MAJIN: variants seen among roughly 807,000 people sequenced by gnomAD.
MAJIN encodes membrane-anchored junction protein.
Under a neutral mutation model 30.2 loss-of-function variants are expected in MAJIN, and 27 were observed. That is an observed-to-expected ratio of 0.89 (90% CI 0.66 to 1.23). The LOEUF is 1.23. MAJIN is among the 50% of genes most tolerant of loss of function. MAJIN has a pLI of 0.00. For missense variants in MAJIN, 253 were observed against 260.3 expected (o/e 0.97, Z 0.19); for synonymous variants, 78 against 91.6 (o/e 0.85, Z 0.85).
chr11:64,945,456 A>G (rs534109603), intron 8 of MAJIN, among the ~76,000 whole-genome samples: 3 of 152,314 alleles, frequency 2.0e-5, no homozygotes, highest in South Asian at 4.1e-4. Flanking sequence ...AAAATTCTAT[A>G]CTGGATCCCA....
At chr11:64,947,947 C>A (rs1328292761) in intron 6 of MAJIN, 128 bp from the exon 7 acceptor site, 1 of 802,796 alleles carries the variant, frequency 1.2e-6, no homozygotes, top group East Asian at 2.7e-5. Context: ...GCAACCTCCG[C>A]CTCTTGAGTT....
intron 8 of MAJIN, among the ~76,000 whole-genome samples, chr11:64,946,669 G>A (rs986601101): frequency 1.3e-5 from 2 of 152,076 alleles, no homozygotes; most frequent in Non-Finnish European, 2.9e-5. Context: ...GTTCTCTGTG[G>A]GCCTAGGGTG....
At chr11:64,946,193 G>C (rs1182165510) in intron 8 of MAJIN, 1 of 1,515,356 alleles carries the variant, frequency 6.6e-7, no homozygotes, top group South Asian at 1.2e-5. Context: ...GTTACTGGCA[G>C]AGGCAATATC....
At chr11:64,960,766 A>G (rs975974473) in intron 1 of MAJIN, among the ~76,000 whole-genome samples, 2 of 152,222 alleles carry the variant, frequency 1.3e-5, no homozygotes, top group Non-Finnish European at 2.9e-5. Flanking sequence ...TCCATGGTAG[A>G]GTCACAAGTT....
rs1176637017 is a variant in MAJIN, at chr11:64,949,692, C to A, written c.349+51G>T. The stretch of plus-strand genomic sequence containing the variant: ...CCCCTTTCGCGATACCTAGCTGGCA[C>A]AGCTAAACCATTTTCTTCTCTGCCA... On this transcript the variant is annotated intron_variant, in intron 6 of 10. Coordinates refer to ENST00000301896, the MANE Select transcript of MAJIN (RefSeq NM_001037225.3). The A allele has an allele frequency of 3.7e-6, 6 of 1,600,558 alleles. No individual in the cohort carries two copies. In the African/African-American group the frequency reaches 5.3e-5, roughly 14 times the overall value.
intron 1 of MAJIN, among the ~76,000 whole-genome samples, chr11:64,971,292 C>T (rs866712498): frequency 1.3e-5 from 2 of 151,710 alleles, no homozygotes; most frequent in South Asian, 2.1e-4. Context: ...CCAGGAGTGG[C>T]GGCGCATGCC....
At chr11:64,950,802 G>C (rs1426967941) in intron 4 of MAJIN, among the ~76,000 whole-genome samples, 1 of 151,968 alleles carries the variant, frequency 6.6e-6, no homozygotes, top group Admixed American at 6.6e-5. Context: ...GGATGGTCTT[G>C]AACTCCTGGG....
Position 64,959,309 on chromosome 11 carries a change from T to TA in MAJIN, c.96dup (p.Ile33TyrfsTer9), listed in dbSNP as rs1590703558. ...CCCTCCTACCTTTGAAATTACCTGA[T>TA]ACTCTTCCCATATCTGATTTTGAAT... On this transcript the variant is annotated frameshift_variant, in exon 3 of 11. Transcript: ENST00000301896. LOFTEE classifies it high-confidence loss of function. The TA allele has an allele frequency of 6.2e-7, 1 of 1,611,082 alleles. No homozygotes were observed. The highest frequency in any genetic ancestry group is 1.3e-5 in the African/African-American group (1 of 74,960).
chr11:64,962,413 A>G (rs758441407), intron 1 of MAJIN, among the ~76,000 whole-genome samples: 8 of 151,348 alleles, frequency 5.3e-5, no homozygotes, highest in Non-Finnish European at 1.2e-4. Flanking sequence ...ATTTTCCAAC[A>G]TTGAGTACTG....
chr11:64,946,111 C>T, intron 8 of MAJIN: 1 of 1,535,180 alleles, frequency 6.5e-7, no homozygotes, highest in Non-Finnish European at 8.7e-7. Flanking sequence ...CCACAGGGGG[C>T]TTCTTTTTGC....
intron 5 of MAJIN, 36 bp from the exon 6 acceptor site, chr11:64,949,904 A>G (rs1406635927): frequency 6.3e-7 from 1 of 1,596,506 alleles, no homozygotes; most frequent in Non-Finnish European, 8.5e-7. Context: ...GAAAGATGCC[A>G]GTATGCATTC....
intron 8 of MAJIN, among the ~76,000 whole-genome samples, chr11:64,947,047 G>C (rs1255522836): frequency 6.6e-6 from 1 of 152,108 alleles, no homozygotes; most frequent in Non-Finnish European, 1.5e-5. Context: ...AATATTCTGA[G>C]ACTTCATAAG....
At chr11:64,938,718 G>C (rs1330258256) in intron 10 of MAJIN, 145 bp from the exon 11 acceptor site, 4 of 858,252 alleles carry the variant, frequency 4.7e-6, no homozygotes, top group African/African-American at 3.4e-5. Context: ...CATTTGAAAA[G>C]GTACCCAAAT....
At chr11:64,947,765 T>C (rs760848475) in intron 7 of MAJIN, 23 bp downstream of exon 7, 8 of 1,611,208 alleles carry the variant, frequency 5.0e-6, no homozygotes, top group Non-Finnish European at 6.8e-6. Context: ...AATTTTCATT[T>C]TGTACAGAAA....
At chr11:64,947,853 T>A in intron 6 of MAJIN, 34 bp from the exon 7 acceptor site, 1 of 1,515,524 alleles carries the variant, frequency 6.6e-7, no homozygotes, top group Non-Finnish European at 9.1e-7. Context: ...ATAATAGATT[T>A]AAGACTTTTT....
chr11:64,938,547 A>G lies in MAJIN; in HGVS notation c.*28T>C, dbSNP rs1945322301. 2.6e-6 allele frequency: 4 copies of G among 1,535,774 alleles called. No individual in the cohort carries two copies. The highest frequency in any genetic ancestry group is 1.4e-5 in the African/African-American group (1 of 72,992). On this transcript the variant is annotated 3_prime_UTR_variant, in exon 11 of 11. Transcript: ENST00000301896. ...GGCTCAAGAGTGGCTGCTCTTCCTG[A>G]AGAAATATCGAAACGGGAAGAGAGA...
intron 2 of MAJIN, 100 bp downstream of exon 2, chr11:64,959,989 G>C (rs1454061852): frequency 6.6e-6 from 1 of 152,368 alleles, no homozygotes; most frequent in Non-Finnish European, 1.5e-5. Flanking sequence ...GTGGCACCAA[G>C]GAATGGCTTA....
chr11:64,939,823 G>A (rs1316678169), intron 9 of MAJIN, 56 bp from the exon 10 acceptor site: 14 of 1,518,566 alleles, frequency 9.2e-6, no homozygotes, highest in African/African-American at 1.4e-5. Context: ...CCGTTTTCAT[G>A]TGAGTAGAAG....
intron 1 of MAJIN, among the ~76,000 whole-genome samples, chr11:64,961,316 C>T (rs1375092995): frequency 6.6e-6 from 1 of 151,232 alleles, no homozygotes; most frequent in African/African-American, 2.4e-5. Flanking sequence ...TACAAGCATA[C>T]ACCACCACGC....
Sources: gnomAD v4.1 joint callset for allele counts (sites outside exome capture counted in the v4.1 genomes callset) on GRCh38, gnomAD v4.1.1 for gene constraint, MANE v1.5 for transcripts, NCBI Gene and HGNC (gene_info 2026-07-23, HGNC 2026-07-21) for gene names.